The following MCHR2 variants were observed in gnomAD, a reference collection of about 807,000 sequenced individuals.
MCHR2 encodes the protein melanin-concentrating hormone receptor 2.
In MCHR2, 15 loss-of-function variants were observed where a neutral mutation model predicts 24.8. The ratio of observed to expected loss-of-function variants is 0.60; its 90% CI spans 0.40 to 0.93. The LOEUF is 0.93. Among genes scored for constraint, MCHR2 ranks in the 40% least tolerant of loss-of-function variants. The pLI, the probability that MCHR2 is intolerant of heterozygous loss-of-function variation, is 0.00. For synonymous variants in MCHR2, 151 were observed against 147.6 expected (o/e 1.02, Z -0.17); for missense variants, 386 against 408.7 (o/e 0.94, Z 0.48).
At chr6:99,946,952 G>A (rs368297574) in intron 3 of MCHR2, among the ~76,000 whole-genome samples, 6 of 152,094 alleles carry the variant, frequency 3.9e-5, no homozygotes, top group African/African-American at 1.4e-4. Flanking sequence ...ATCCTAGCTT[G>A]CATGCTTCCT....
chr6:99,959,436 A>G (rs1018566404), intron 1 of MCHR2, among the ~76,000 whole-genome samples: 4 of 151,788 alleles, frequency 2.6e-5, no homozygotes, highest in Admixed American at 6.6e-5. Flanking sequence ...CTATATTGTT[A>G]AAATGTGTAG....
At chr6:99,956,209 C>T (rs948181828) in intron 1 of MCHR2, 35 bp from the exon 2 acceptor site, 14 of 1,375,088 alleles carry the variant, frequency 1.0e-5, no homozygotes, top group East Asian at 2.4e-5. Flanking sequence ...ATTTAGTGAA[C>T]ATTCCCTCAA....
At chr6:99,962,676 A>C (rs1562128573) in intron 1 of MCHR2, among the ~76,000 whole-genome samples, 1 of 152,152 alleles carries the variant, frequency 6.6e-6, no homozygotes, top group African/African-American at 2.4e-5. Flanking sequence ...TCTTCATGAT[A>C]TTGGTTTTGA....
chr6:99,974,134 G>A (rs1210017129), intron 1 of MCHR2, among the ~76,000 whole-genome samples: 1 of 152,120 alleles, frequency 6.6e-6, no homozygotes, highest in Non-Finnish European at 1.5e-5. Flanking sequence ...AAGTTCTCCT[G>A]GATAATATCC....
At chr6:99,972,958 T>G (rs1775462061) in intron 1 of MCHR2, among the ~76,000 whole-genome samples, 1 of 152,236 alleles carries the variant, frequency 6.6e-6, no homozygotes, top group Non-Finnish European at 1.5e-5. Flanking sequence ...CTTTTACATT[T>G]GCTGAGGAGA....
chr6:99,959,439 A>G (rs1175701299), intron 1 of MCHR2, among the ~76,000 whole-genome samples: 3 of 151,758 alleles, frequency 2.0e-5, no homozygotes, highest in Admixed American at 2.0e-4. Flanking sequence ...TATTGTTAAA[A>G]TGTGTAGATA....
chr6:99,934,655 G>T lies in MCHR2; in HGVS notation c.588-138C>A, dbSNP rs140673799. The T allele has an allele frequency of 5.6e-3, 4,033 of 726,030 alleles. 23 individuals are homozygous for T. Among genetic ancestry groups the T allele is most frequent in the Non-Finnish European group, 6.7e-3 (3,332 of 494,068 alleles). 45.0% of individuals were successfully genotyped at this position (726,030 alleles called of 1,614,324 possible). On this transcript the variant is annotated intron_variant, in intron 4 of 5. Transcript: ENST00000281806. ...CCAGGATGAAAGTCCTTGTGGAAAA[G>T]CTCAAGATCTTTGGTTGCTTTATTG... is the stretch of plus-strand genomic sequence containing the variant.
intron 1 of MCHR2, among the ~76,000 whole-genome samples, chr6:99,969,675 G>C (rs1027967228): frequency 1.3e-4 from 20 of 149,648 alleles, no homozygotes; most frequent in Non-Finnish European, 2.2e-4. Flanking sequence ...CCATTAACTC[G>C]TCATTTAGCA....
intron 1 of MCHR2, among the ~76,000 whole-genome samples, chr6:99,984,241 T>A (rs1199044827): frequency 3.0e-5 from 1 of 33,624 alleles, no homozygotes; most frequent in Non-Finnish European, 8.1e-5. Flanking sequence ...GTTTTTTATT[T>A]TTTTATTTTT....
rs965191779 is a variant in MCHR2 at position 99,928,807 on chromosome 6, C to T, written c.707+5591G>A. On this transcript the variant is annotated intron_variant, in intron 5 of 5. Coordinates refer to ENST00000281806, the MANE Select transcript of MCHR2 (RefSeq NM_001040179.2). ...AAACCAGCTCCTGGATTAATTAATT[C>T]TTTGAAGGGTTTTTTGTGTCTCTAT... Among the ~76,000 whole-genome samples the T allele has an allele frequency of 4.6e-5, 7 of 152,136 alleles. No homozygotes were observed. In the East Asian group the frequency reaches 1.2e-3, roughly 25 times the overall value.
intron 1 of MCHR2, among the ~76,000 whole-genome samples, chr6:99,964,306 G>A (rs1045397952): frequency 6.6e-6 from 1 of 152,108 alleles, no homozygotes; most frequent in African/African-American, 2.4e-5. Flanking sequence ...ACCAGGATAT[G>A]TGCTCCAGAA....
In MCHR2 at chr6:99,921,037, A is replaced by G. The variant is rs749819053; in HGVS notation, c.926T>C (p.Leu309Pro). ...CAGACGTTTCTGGAAATTTCCACTC[A>G]GCAGGATGTAGAGAAAAGGGTTAAT... ...SSINPFLYIL[L>P]SGNFQKRLPQ... The change falls in exon 6 of 6, where the codon CTG becomes CCG. Residue 309 changes from leucine to proline, a missense_variant. By Grantham distance (98) the Leu-to-Pro change is moderately conservative (BLOSUM62 -3). Transcript: ENST00000281806. The G allele has an allele frequency of 6.2e-7, 1 of 1,614,170 alleles. No homozygotes were observed. The highest frequency in any genetic ancestry group is 8.5e-7 in the Non-Finnish European group (1 of 1,180,018).
intron 1 of MCHR2, among the ~76,000 whole-genome samples, chr6:99,975,246 T>C (rs1775524330): frequency 6.6e-6 from 1 of 152,188 alleles, no homozygotes; most frequent in Non-Finnish European, 1.5e-5. Flanking sequence ...CAGGCTGCTT[T>C]GTTTACCTAA....
chr6:99,979,021 T>G (rs1488213698), intron 1 of MCHR2, among the ~76,000 whole-genome samples: 2 of 152,112 alleles, frequency 1.3e-5, no homozygotes, highest in Non-Finnish European at 2.9e-5. Context: ...AGGCGCCACA[T>G]CCAAGTGGTA....
intron 2 of MCHR2, among the ~76,000 whole-genome samples, chr6:99,949,940 A>C (rs1040168258): frequency 1.3e-5 from 2 of 152,052 alleles, no homozygotes; most frequent in Admixed American, 1.3e-4. Context: ...AAAATCATAA[A>C]TCTTAGTCTA....
chr6:99,976,847 C>T (rs915011174), intron 1 of MCHR2, among the ~76,000 whole-genome samples: 5 of 152,320 alleles, frequency 3.3e-5, no homozygotes, highest in African/African-American at 1.2e-4. Flanking sequence ...TCCAGTTTTG[C>T]CTTTAAGAAA....
intron 1 of MCHR2, among the ~76,000 whole-genome samples, chr6:99,967,263 ACAT>A (rs1446157664): frequency 6.6e-6 from 1 of 152,106 alleles, no homozygotes. Flanking sequence ...ATGTATACTG[ACAT>A]CTTCATACAT....
rs1385408587 is a variant in MCHR2 at position 99,926,774 on chromosome 6, C to T, written c.708-5519G>A. 5.9e-5 allele frequency among the ~76,000 whole-genome samples: 9 copies of T among 152,058 alleles called. 1 individual carries two copies. In the East Asian group the frequency reaches 1.5e-3, roughly 26 times the overall value. On this transcript the variant is annotated intron_variant, in intron 5 of 5. Transcript: ENST00000281806. ...TGAGTAGGTTGTGAAAATTTTCTCC[C>T]ATTTTGTAGGTTGCCTGTTCACTCT...
At chr6:99,987,587 C>G (rs1775792740) in intron 1 of MCHR2, among the ~76,000 whole-genome samples, 1 of 152,150 alleles carries the variant, frequency 6.6e-6, no homozygotes, top group Admixed American at 6.5e-5. Context: ...AAGTTTGACA[C>G]AACATTCCAT....
Sources: gnomAD v4.1 joint callset for allele counts (sites outside exome capture counted in the v4.1 genomes callset) on GRCh38, gnomAD v4.1.1 for gene constraint, MANE v1.5 for transcripts, NCBI Gene and HGNC (gene_info 2026-07-23, HGNC 2026-07-21) for gene names.